CABIN1: variants seen among roughly 807,000 people sequenced by gnomAD.
CABIN1 encodes calcineurin binding protein 1.
A neutral mutation model predicts 227.7 loss-of-function variants in CABIN1; 133 were observed. The ratio of observed to expected loss-of-function variants is 0.58; its 90% CI spans 0.51 to 0.67. The LOEUF (loss-of-function observed/expected upper bound fraction) is 0.67, where lower values mean the gene tolerates loss of function less well. Ranked by LOEUF, CABIN1 falls within the 30% of genes least tolerant of loss-of-function variation. CABIN1 has a pLI of 0.00. For synonymous variants in CABIN1, 1,086 were observed against 1,155.1 expected, an observed-to-expected ratio of 0.94 and a Z score of 1.21; for missense variants, 2,408 against 2,852.5, an observed-to-expected ratio of 0.84 and a Z score of 3.55.
In CABIN1 at chr22:24,119,387, G is replaced by A. The variant is rs2147911553; in HGVS notation, c.4321G>A (p.Glu1441Lys). The A allele has an allele frequency of 6.2e-7, 1 of 1,613,658 alleles. No homozygotes were observed. The highest frequency in any genetic ancestry group is 2.2e-5 in the East Asian group (1 of 44,888). The change falls in exon 28 of 37, where the codon GAG (glutamate) becomes AAG (lysine). Residue 1441 changes from glutamate to lysine, a missense_variant. Glu to Lys is a moderately conservative substitution (Grantham distance 56). Coordinates refer to ENST00000263119, the MANE Select transcript of CABIN1 (RefSeq NM_012295.4). Reference sequence around the variant, plus strand: ...TGTAGGAAAAAACGAGGAGTCATTGGAGAGTACAGAAGGCTTCCGGGCTGC... The same window carrying A: ...TGTAGGAAAAAACGAGGAGTCATTGAAGAGTACAGAAGGCTTCCGGGCTGC... ...EERGKNEESL[E>K]STEGFRAAEQ...
chr22:24,076,451 G>A (rs781113203), intron 19 of CABIN1, among the ~76,000 whole-genome samples, 167 bp downstream of exon 19: 4 of 152,098 alleles, frequency 2.6e-5, no homozygotes, highest in East Asian at 1.9e-4. Context: ...TGTAGTTACC[G>A]AAGCTTGTCA....
rs1308549542 is a variant in CABIN1 at position 24,065,117 on chromosome 22, C to T, written c.2037+930C>T. Among the ~76,000 whole-genome samples the T allele has an allele frequency of 1.3e-4, 19 of 140,822 alleles. 1 individual carries two copies. The South Asian group carries it at 3.2e-3, about 23-fold the overall frequency. 92.4% of individuals were successfully genotyped at this position (140,822 alleles called of 152,430 possible). ...GCCGGGCAGAGGCGCCCCTCACCTCCCAGACGGGGCGGCTGGCCGGGCGGG... is the reference window on the plus strand; with the variant it reads ...GCCGGGCAGAGGCGCCCCTCACCTCTCAGACGGGGCGGCTGGCCGGGCGGG... On this transcript the variant is annotated intron_variant, in intron 15 of 36. Transcript: ENST00000263119.
At chr22:24,069,427 A>G (rs2039930322) in intron 16 of CABIN1, among the ~76,000 whole-genome samples, 1 of 152,058 alleles carries the variant, frequency 6.6e-6, no homozygotes, top group Admixed American at 6.5e-5. Flanking sequence ...TGGTCTCCTC[A>G]TTCATTGGTG....
intron 29 of CABIN1, chr22:24,155,854 G>A (rs2045754946): frequency 1.2e-5 from 5 of 432,968 alleles, no homozygotes; most frequent in Middle Eastern, 6.1e-4. Context: ...CCCGGCAGCG[G>A]TCCACAGCCC....
At chr22:24,065,334 C>T (rs1433338572) in intron 15 of CABIN1, among the ~76,000 whole-genome samples, 9 of 147,634 alleles carry the variant, frequency 6.1e-5, no homozygotes, top group Non-Finnish European at 1.2e-4. Flanking sequence ...GACGGGGTCG[C>T]GGCCGGGCAG....
chr22:24,020,143 G>C (rs2035616448), intron 1 of CABIN1, among the ~76,000 whole-genome samples: 1 of 152,100 alleles, frequency 6.6e-6, no homozygotes, highest in African/African-American at 2.4e-5. Flanking sequence ...TAGGACTAAG[G>C]TGTATTTATA....
intron 1 of CABIN1, among the ~76,000 whole-genome samples, chr22:24,012,878 G>T (rs1439858697): frequency 6.6e-6 from 1 of 151,136 alleles, no homozygotes; most frequent in Non-Finnish European, 1.5e-5. Context: ...CTCCTGTCTC[G>T]GCCTCCCGAG....
At chr22:24,138,711 A>G (rs773700146) in intron 29 of CABIN1, among the ~76,000 whole-genome samples, 31 of 152,340 alleles carry the variant, frequency 2.0e-4, no homozygotes, top group South Asian at 1.2e-3. Context: ...AGGAGCTTCC[A>G]TGTATTTAGT....
chr22:24,170,283 T>G (rs1329479881), intron 33 of CABIN1: 2 of 388,572 alleles, frequency 5.1e-6, no homozygotes, highest in Non-Finnish European at 1.1e-5. Flanking sequence ...TGGAGGCCAT[T>G]TCCTGCCATC....
At chr22:24,168,706 G>A (rs956056924) in intron 33 of CABIN1, among the ~76,000 whole-genome samples, 185 bp downstream of exon 33, 2 of 152,226 alleles carry the variant, frequency 1.3e-5, no homozygotes, top group African/African-American at 2.4e-5. Flanking sequence ...GGAACTTGAC[G>A]GCCCAGACCC....
At chr22:24,054,753 A>G (rs1265011665) in intron 8 of CABIN1, 120 bp from the exon 9 acceptor site, 17 of 1,253,572 alleles carry the variant, frequency 1.4e-5, no homozygotes, top group Middle Eastern at 2.4e-4. Context: ...CCCCACCCCC[A>G]TGGACATGGC....
At chr22:24,164,789 TC>T (rs1032465771) in intron 30 of CABIN1, among the ~76,000 whole-genome samples, 1 of 152,086 alleles carries the variant, frequency 6.6e-6, no homozygotes, top group African/African-American at 2.4e-5. Context: ...TCCCCACTGA[TC>T]CTGGTTCCAC....
At position 24,020,775 on chromosome 22, in the gene CABIN1, AAGTGTTGTTTTT is replaced by A. The variant is rs1384705523; in HGVS notation, c.-75+9412_-75+9423del. On this transcript the variant is annotated intron_variant, in intron 1 of 36. Transcript: ENST00000263119. Reference sequence around the variant, plus strand: ...TCTAGTTTTAAGCATTATGATTGGCAAGTGTTGTTTTTAGTATCTTTACTTGATGGAAGGTGT... The same window carrying A: ...TCTAGTTTTAAGCATTATGATTGGCAAGTATCTTTACTTGATGGAAGGTGT... 2.6e-5 allele frequency among the ~76,000 whole-genome samples: 4 copies of A among 152,168 alleles called. 1 individual carries two copies. The South Asian group carries it at 8.3e-4, about 32-fold the overall frequency.
intron 28 of CABIN1, among the ~76,000 whole-genome samples, chr22:24,129,832 G>T (rs913994448): frequency 2.0e-5 from 3 of 152,232 alleles, no homozygotes; most frequent in African/African-American, 7.2e-5. Context: ...AGTGTGGCTG[G>T]AGGGCTGTTC....
chr22:24,036,202 T>C, intron 3 of CABIN1, 21 bp downstream of exon 3: 1 of 1,516,850 alleles, frequency 6.6e-7, no homozygotes, highest in Non-Finnish European at 9.2e-7. Flanking sequence ...CGAGGTCTTC[T>C]CTGTAGGTGG....
chr22:24,113,213 C>T (rs1468843329), intron 26 of CABIN1, among the ~76,000 whole-genome samples: 1 of 152,254 alleles, frequency 6.6e-6, no homozygotes, highest in Non-Finnish European at 1.5e-5. Context: ...TTGACAACAG[C>T]ACGTTGGTAA....
chr22:24,082,107 G>A (rs1182315141), intron 19 of CABIN1, among the ~76,000 whole-genome samples: 1 of 35,294 alleles, frequency 2.8e-5, no homozygotes, highest in Non-Finnish European at 5.7e-5. Context: ...TTTTTTTTTT[G>A]AGACAGGGTC....
chr22:24,140,059 A>T (rs781539268), intron 29 of CABIN1, among the ~76,000 whole-genome samples: 2 of 152,246 alleles, frequency 1.3e-5, no homozygotes, highest in Non-Finnish European at 2.9e-5. Context: ...GGTGCTGCTC[A>T]GCCAGAAAGG....
intron 29 of CABIN1, among the ~76,000 whole-genome samples, chr22:24,163,298 C>T (rs184121717): frequency 6.6e-6 from 1 of 152,276 alleles, no homozygotes. Context: ...CTGGAGGTGC[C>T]CTGGCTTTCC....
Sources: gnomAD v4.1 joint callset for allele counts (sites outside exome capture counted in the v4.1 genomes callset) on GRCh38, gnomAD v4.1.1 for gene constraint, MANE v1.5 for transcripts, NCBI Gene and HGNC (gene_info 2026-07-23, HGNC 2026-07-21) for gene names.